The following GLT1D1 variants were observed in gnomAD, a reference collection of about 807,000 sequenced individuals.
GLT1D1 encodes the protein glycosyltransferase 1 domain containing 1.
In GLT1D1, 21 loss-of-function variants were observed where a neutral mutation model predicts 28.7. That is an observed-to-expected ratio of 0.73 (90% CI 0.52 to 1.05). The LOEUF (loss-of-function observed/expected upper bound fraction) is 1.05. Among genes scored for constraint, GLT1D1 ranks in the 50% least tolerant of loss-of-function variants. GLT1D1 has a pLI of 0.00. For synonymous variants in GLT1D1, 147 were observed against 124.8 expected, an observed-to-expected ratio of 1.18 and a Z score of -1.19; for missense variants, 343 against 330.6, an observed-to-expected ratio of 1.04 and a Z score of -0.29.
intron 7 of GLT1D1, among the ~76,000 whole-genome samples, chr12:128,969,429 C>T (rs1878814285): frequency 1.3e-5 from 2 of 150,858 alleles, no homozygotes; most frequent in South Asian, 2.1e-4. Flanking sequence ...TGTAGATGCC[C>T]CTGGATGCAG....
intron 7 of GLT1D1, among the ~76,000 whole-genome samples, chr12:128,968,382 G>C (rs73424638): frequency 0.058 from 8,849 of 151,404 alleles, 845 homozygotes; most frequent in African/African-American, 0.2. Flanking sequence ...ATAATACAAG[G>C]ACACCAGGCT....
chr12:128,900,636 CTT>C (rs71072419), intron 4 of GLT1D1, among the ~76,000 whole-genome samples: 34 of 140,466 alleles, frequency 2.4e-4, no homozygotes, highest in African/African-American at 2.6e-4. Flanking sequence ...TAATACCAAA[CTT>C]TTTTTTTTTT....
chr12:128,907,094 A>T (rs147077792), intron 4 of GLT1D1: 36 of 639,022 alleles, frequency 5.6e-5, no homozygotes, highest in Middle Eastern at 5.1e-4. Flanking sequence ...GCATGGCCCC[A>T]TTGCTTTATG....
intron 7 of GLT1D1, among the ~76,000 whole-genome samples, chr12:128,975,197 C>G (rs1215774376): frequency 6.6e-6 from 1 of 152,148 alleles, no homozygotes; most frequent in African/African-American, 2.4e-5. Context: ...AGCGTGCTTA[C>G]ACAGGGCCCA....
intron 4 of GLT1D1, 124 bp downstream of exon 7, chr12:128,926,578 T>C: frequency 3.6e-6 from 2 of 561,124 alleles, no homozygotes; most frequent in East Asian, 6.1e-5. Flanking sequence ...CAGAACTGTT[T>C]CTAGATTGCT....
intron 1 of GLT1D1, among the ~76,000 whole-genome samples, chr12:128,855,503 C>G (rs902503258): frequency 6.6e-6 from 1 of 151,994 alleles, no homozygotes; most frequent in Admixed American, 6.6e-5. Context: ...GAGGTTGAGG[C>G]TGCAGCGAAG....
At position 128,853,611 on chromosome 12, in the gene GLT1D1, G is replaced by A. The variant is rs1211145677; in HGVS notation, c.30G>A (p.Arg10=). ...GGCTCCTGTTCCTGGCGGTGCTGCG[G>A]CCACACACCGGCAACGCGGTCACGG... Residue 10 remains arginine, a synonymous_variant, in exon 1 of 8, where the codon CGG becomes CGA. Transcript: ENST00000281703. 3.4e-6 allele frequency: 4 copies of A among 1,179,564 alleles called. No homozygotes were observed. The highest frequency in any genetic ancestry group is 4.6e-5 in the South Asian group (2 of 43,254). The allele number at this position is 1,179,564 out of a possible 1,614,324, so 73.1% of individuals were successfully genotyped here.
intron 1 of GLT1D1, among the ~76,000 whole-genome samples, chr12:128,871,267 T>G (rs1364655871): frequency 6.6e-6 from 1 of 152,186 alleles, no homozygotes. Flanking sequence ...TATTTTATAT[T>G]TTTTTAGGCT....
chr12:128,948,320 TGTTA>T (rs1876341232), intron 6 of GLT1D1, among the ~76,000 whole-genome samples: 1 of 152,166 alleles, frequency 6.6e-6, no homozygotes, highest in Admixed American at 6.5e-5. Context: ...CTTGTTTCGT[TGTTA>T]GTTCATTGCC....
chr12:128,899,917 T>A (rs753716264), intron 4 of GLT1D1, among the ~76,000 whole-genome samples: 1 of 152,200 alleles, frequency 6.6e-6, no homozygotes, highest in Admixed American at 6.6e-5. Context: ...TGCAGCAACC[T>A]TGTATACATG....
chr12:128,874,792 C>T (rs1345103378), intron 1 of GLT1D1, among the ~76,000 whole-genome samples: 1 of 152,112 alleles, frequency 6.6e-6, no homozygotes, highest in Non-Finnish European at 1.5e-5. Flanking sequence ...CCCTCATGTC[C>T]GTTTTCCTAT....
At chr12:128,897,663 C>G (rs1236876381) in intron 3 of GLT1D1, among the ~76,000 whole-genome samples, 1 of 152,084 alleles carries the variant, frequency 6.6e-6, no homozygotes, top group East Asian at 1.9e-4. Context: ...TATGCTATGT[C>G]AAATTCTTTT....
chr12:128,963,056 C>T (rs1034114312), intron 7 of GLT1D1, among the ~76,000 whole-genome samples: 6 of 152,218 alleles, frequency 3.9e-5, no homozygotes, highest in Non-Finnish European at 8.8e-5. Context: ...GGGAGATTTG[C>T]TGCCAGCCTG....
intron 1 of GLT1D1, among the ~76,000 whole-genome samples, chr12:128,867,956 C>G (rs1191291619): frequency 1.3e-5 from 2 of 152,170 alleles, no homozygotes; most frequent in Non-Finnish European, 2.9e-5. Context: ...AATAAGGGCG[C>G]TAAGCTATTA....
intron 4 of GLT1D1, among the ~76,000 whole-genome samples, chr12:128,913,890 A>G (rs1386153637): frequency 6.6e-6 from 1 of 152,232 alleles, no homozygotes; most frequent in Non-Finnish European, 1.5e-5. Flanking sequence ...TGGAGGAAGC[A>G]GTCTGCTCAG....
chr12:128,890,470 C>A (rs1265428551), intron 3 of GLT1D1, among the ~76,000 whole-genome samples: 13 of 152,086 alleles, frequency 8.5e-5, no homozygotes, highest in Admixed American at 8.5e-4. Context: ...TAACGAATAA[C>A]AATAATAAGA....
intron 4 of GLT1D1, among the ~76,000 whole-genome samples, chr12:128,921,253 A>G (rs1412479970): frequency 6.6e-6 from 1 of 151,406 alleles, no homozygotes; most frequent in African/African-American, 2.4e-5. Context: ...ATCATTTTCT[A>G]ATTTAGTTTC....
At chr12:128,916,342 G>C (rs141564383) in intron 4 of GLT1D1, among the ~76,000 whole-genome samples, 1 of 152,052 alleles carries the variant, frequency 6.6e-6, no homozygotes, top group Non-Finnish European at 1.5e-5. Flanking sequence ...CTTGTGCAAG[G>C]TTTTTTGGTG....
At chr12:128,941,966 T>C (rs909696386) in intron 4 of GLT1D1, among the ~76,000 whole-genome samples, 1 of 148,690 alleles carries the variant, frequency 6.7e-6, no homozygotes, top group Non-Finnish European at 1.5e-5. Context: ...GCTGGGCTCA[T>C]AGTACCATTT....
Sources: allele counts gnomAD v4.1 joint callset (sites outside exome capture counted in the v4.1 genomes callset), GRCh38; gene constraint gnomAD v4.1.1; transcripts MANE v1.5; gene names NCBI Gene and HGNC (gene_info 2026-07-23, HGNC 2026-07-21).